The following NPAS3 variants were observed in gnomAD, a reference collection of about 807,000 sequenced individuals.
NPAS3 encodes neuronal PAS domain protein 3.
A neutral mutation model predicts 73.1 loss-of-function variants in NPAS3; 14 were observed. That is an observed-to-expected ratio of 0.19 (90% CI 0.13 to 0.30). The LOEUF (loss-of-function observed/expected upper bound fraction) is 0.30, where lower values mean the gene tolerates loss of function less well. Among genes scored for constraint, NPAS3 ranks in the 10% least tolerant of loss-of-function variants. The probability of loss-of-function intolerance (pLI) is 1.00; values close to 1 mark genes in which losing one functional copy is unlikely to be tolerated. For missense variants in NPAS3, 1,096 were observed against 1,250.0 expected (o/e 0.88, Z 1.86); for synonymous variants, 620 against 541.5 (o/e 1.14, Z -2.01).
At chr14:33,617,011 TGCA>T (rs1297580051) in intron 5 of NPAS3, among the ~76,000 whole-genome samples, 2 of 152,222 alleles carry the variant, frequency 1.3e-5, no homozygotes, top group Admixed American at 6.5e-5. Flanking sequence ...ATATCTTGCC[TGCA>T]GCACCTTCAC....
chr14:33,743,942 AGAGATAAAAG>A (rs2061718761), intron 7 of NPAS3, among the ~76,000 whole-genome samples: 1 of 152,250 alleles, frequency 6.6e-6, no homozygotes. Flanking sequence ...AGAATTGAAG[AGAGATAAAAG>A]GTCTTGCTCT....
chr14:33,052,218 C>T (rs189670236), intron 1 of NPAS3, among the ~76,000 whole-genome samples: 1 of 152,158 alleles, frequency 6.6e-6, no homozygotes, highest in African/African-American at 2.4e-5. Context: ...TCAGAAATGT[C>T]TTTAAAGGAT....
At chr14:33,481,792 A>T (rs925545780) in intron 4 of NPAS3, among the ~76,000 whole-genome samples, 1 of 149,166 alleles carries the variant, frequency 6.7e-6, no homozygotes, top group Non-Finnish European at 1.5e-5. Context: ...TCAAAAAAAT[A>T]AAAAAAAATA....
intron 3 of NPAS3, among the ~76,000 whole-genome samples, chr14:33,318,606 G>A (rs2043305056): frequency 6.6e-6 from 1 of 152,058 alleles, no homozygotes; most frequent in African/African-American, 2.4e-5. Flanking sequence ...TAAGCAGCTA[G>A]TGCCAAATGA....
intron 1 of NPAS3, among the ~76,000 whole-genome samples, chr14:32,981,887 C>T (rs2037913325): frequency 6.6e-6 from 1 of 152,180 alleles, no homozygotes; most frequent in South Asian, 2.1e-4. Context: ...TAGATGATCT[C>T]ATCCACTCTT....
At chr14:33,520,848 G>A (rs930136563) in intron 4 of NPAS3, among the ~76,000 whole-genome samples, 23 of 152,134 alleles carry the variant, frequency 1.5e-4, no homozygotes, top group Admixed American at 1.3e-4. Context: ...GAGAGGTGCT[G>A]GTACTGTACG....
intron 6 of NPAS3, among the ~76,000 whole-genome samples, chr14:33,720,931 T>C (rs554486901): frequency 1.7e-4 from 26 of 152,232 alleles, no homozygotes; most frequent in Non-Finnish European, 3.5e-4. Flanking sequence ...GAAAATACAA[T>C]GTAGGGAAGA....
intron 1 of NPAS3, among the ~76,000 whole-genome samples, chr14:33,035,865 G>A (rs1288481207): frequency 6.6e-6 from 1 of 152,108 alleles, no homozygotes. Flanking sequence ...GTGCTCTTTG[G>A]TCATTTCCTA....
At chr14:32,993,909 C>T (rs2038446048) in intron 1 of NPAS3, among the ~76,000 whole-genome samples, 2 of 152,204 alleles carry the variant, frequency 1.3e-5, no homozygotes, top group South Asian at 2.1e-4. Context: ...CTTTTTGGCA[C>T]TCTCACATGC....
chr14:33,654,178 A>ATT (rs5807736), intron 5 of NPAS3, among the ~76,000 whole-genome samples: 1 of 149,648 alleles, frequency 6.7e-6, no homozygotes, highest in Non-Finnish European at 1.5e-5. Flanking sequence ...ATCCTGTGCC[A>ATT]TTTTTTTTTT....
In NPAS3 at chr14:33,612,955, CAAAAAA is replaced by C. The variant is rs1185102505; in HGVS notation, c.558+52747_558+52752del. 2.0e-5 allele frequency among the ~76,000 whole-genome samples: 3 copies of C among 151,404 alleles called. No individual in the cohort carries two copies. The South Asian group carries it at 6.2e-4, about 32-fold the overall frequency. On this transcript the variant is annotated intron_variant, in intron 5 of 11. Coordinates refer to ENST00000356141, the Ensembl canonical transcript of NPAS3. ...AAAGGGGTAGAAAAATTCCATCAAC[CAAAAAA>C]AGAAAAAGAAAAAAGCAAGTTTCTT... is the stretch of plus-strand genomic sequence containing the variant.
intron 1 of NPAS3, among the ~76,000 whole-genome samples, chr14:32,965,661 G>GC (rs1209512000): frequency 2.0e-5 from 3 of 152,150 alleles, no homozygotes; most frequent in African/African-American, 7.2e-5. Context: ...AGGCAAGGAT[G>GC]CCCACTTTCA....
intron 5 of NPAS3, among the ~76,000 whole-genome samples, chr14:33,675,675 A>C (rs547348688): frequency 6.6e-6 from 1 of 152,324 alleles, no homozygotes; most frequent in African/African-American, 2.4e-5. Context: ...ATGCCTTTGC[A>C]TATATTTGTA....
intron 3 of NPAS3, among the ~76,000 whole-genome samples, chr14:33,347,900 G>A (rs2140334598): frequency 6.6e-6 from 1 of 151,396 alleles, no homozygotes; most frequent in African/African-American, 2.4e-5. Flanking sequence ...TTTTCAATCT[G>A]TGGTTGGTTG....
chr14:33,352,793 G>A (rs926414682), intron 3 of NPAS3, among the ~76,000 whole-genome samples: 5 of 152,302 alleles, frequency 3.3e-5, no homozygotes, highest in African/African-American at 4.8e-5. Context: ...ACCAGTATGA[G>A]AGGGGAATAA....
chr14:33,777,480 A>G (rs1354984499), intron 8 of NPAS3, among the ~76,000 whole-genome samples: 2 of 152,128 alleles, frequency 1.3e-5, no homozygotes, highest in Non-Finnish European at 2.9e-5. Flanking sequence ...AAACTCTCCA[A>G]CAATGATCAC....
intron 2 of NPAS3, among the ~76,000 whole-genome samples, chr14:33,078,145 AT>A (rs1238961947): frequency 1.3e-5 from 2 of 152,152 alleles, no homozygotes; most frequent in African/African-American, 2.4e-5. Flanking sequence ...TCCAAAAAAA[AT>A]AAATAAATAA....
At chr14:33,683,523 T>C (rs960200932) in intron 6 of NPAS3, among the ~76,000 whole-genome samples, 13 of 150,042 alleles carry the variant, frequency 8.7e-5, no homozygotes, top group African/African-American at 3.2e-4. Flanking sequence ...TTGAACAAAG[T>C]ACAAGTTATT....
chr14:33,083,514 T>C (rs1230115717), intron 2 of NPAS3, among the ~76,000 whole-genome samples: 1 of 152,126 alleles, frequency 6.6e-6, no homozygotes, highest in Non-Finnish European at 1.5e-5. Flanking sequence ...TTTTAAAATG[T>C]TGCTTCAGAA....
Sources: gnomAD v4.1 joint callset for allele counts (sites outside exome capture counted in the v4.1 genomes callset) on GRCh38, gnomAD v4.1.1 for gene constraint, MANE v1.5 for transcripts, NCBI Gene and HGNC (gene_info 2026-07-23, HGNC 2026-07-21) for gene names.